The following ATG13 variants were observed in gnomAD, a reference collection of about 807,000 sequenced individuals.
ATG13 encodes the protein autophagy-related protein 13.
In ATG13, 23 loss-of-function variants were observed where a neutral mutation model predicts 65.5. That is an observed-to-expected ratio of 0.35 (90% CI 0.25 to 0.50). The LOEUF (loss-of-function observed/expected upper bound fraction) is 0.50, where lower values mean the gene tolerates loss of function less well. ATG13 is among the 20% of genes least tolerant of loss of function. The pLI, the probability that ATG13 is intolerant of heterozygous loss-of-function variation, is 0.98. For missense variants in ATG13, 566 were observed against 677.0 expected, an observed-to-expected ratio of 0.84 and a Z score of 1.82; for synonymous variants, 252 against 245.2, an observed-to-expected ratio of 1.03 and a Z score of -0.26.
At chr11:46,668,656 C>T (rs1481004687) in intron 16 of ATG13, 80 bp downstream of exon 16, 5 of 1,534,936 alleles carry the variant, frequency 3.3e-6, no homozygotes, top group Non-Finnish European at 3.6e-6. Flanking sequence ...CACTAATCCC[C>T]CACAGACTAT....
At chr11:46,641,278 G>T (rs1254644055) in intron 2 of ATG13, among the ~76,000 whole-genome samples, 1 of 152,136 alleles carries the variant, frequency 6.6e-6, no homozygotes. Flanking sequence ...CACCATCTTG[G>T]CCAGGCTGGT....
At chr11:46,670,437 G>T (rs2063451601) in intron 18 of ATG13, among the ~76,000 whole-genome samples, 2 of 146,852 alleles carry the variant, frequency 1.4e-5, no homozygotes, top group Admixed American at 6.9e-5. Flanking sequence ...GCCAAGATTG[G>T]ATCACTGCAC....
intron 2 of ATG13, among the ~76,000 whole-genome samples, chr11:46,633,701 C>T (rs980894744): frequency 6.6e-6 from 1 of 152,036 alleles, no homozygotes; most frequent in African/African-American, 2.4e-5. Flanking sequence ...GTCCCAGCTA[C>T]TCGAGAGGCT....
chr11:46,672,674 T>A lies in ATG13; in HGVS notation c.*342T>A. The A allele has an allele frequency of 7.3e-7, 1 of 1,371,970 alleles. No individual in the cohort carries two copies. 85.0% of individuals were successfully genotyped at this position (1,371,970 alleles called of 1,614,324 possible). A position where few individuals can be genotyped will look rare whatever the true frequency, so the allele number is the denominator to read the frequency against. On this transcript the variant is annotated 3_prime_UTR_variant, in exon 19 of 19. Transcript: ENST00000683050. ...TTCCTCCTGCTGCCGGCCTCCTGCC[T>A]GGGCCTGCCTTGCAGCTGGCCCCTT...
chr11:46,662,545 T>A (rs1215440709), intron 11 of ATG13, among the ~76,000 whole-genome samples: 1 of 152,180 alleles, frequency 6.6e-6, no homozygotes, highest in Non-Finnish European at 1.5e-5. Flanking sequence ...AATTTAAAAC[T>A]AGATCACACC....
At chr11:46,638,992 A>ATTTT (rs200933225) in intron 2 of ATG13, among the ~76,000 whole-genome samples, 1 of 147,068 alleles carries the variant, frequency 6.8e-6, no homozygotes, top group African/African-American at 2.6e-5. Context: ...TTATTTATTT[A>ATTTT]TTTATTTTTT....
chr11:46,662,309 A>G (rs1161520229), intron 11 of ATG13, among the ~76,000 whole-genome samples: 1 of 152,234 alleles, frequency 6.6e-6, no homozygotes, highest in African/African-American at 2.4e-5. Flanking sequence ...TTTACAAGTA[A>G]TAGATTCATA....
At chr11:46,647,094 T>A (rs1346609649) in intron 5 of ATG13, among the ~76,000 whole-genome samples, 5 of 152,164 alleles carry the variant, frequency 3.3e-5, no homozygotes, top group African/African-American at 1.2e-4. Context: ...CTTTACCCTC[T>A]TGTTCACATG....
intron 2 of ATG13, among the ~76,000 whole-genome samples, chr11:46,633,793 G>A (rs1251508282): frequency 6.6e-6 from 1 of 152,060 alleles, no homozygotes; most frequent in Admixed American, 6.6e-5. Flanking sequence ...CCTGGGTAAC[G>A]GTGTGAGACC....
chr11:46,672,608 G>T lies in ATG13; in HGVS notation c.*276G>T, dbSNP rs1473919559. 6.3e-6 allele frequency: 9 copies of T among 1,422,828 alleles called. No individual in the cohort carries two copies. Among genetic ancestry groups the T allele is most frequent in the Non-Finnish European group, 6.5e-6 (7 of 1,072,798 alleles). 88.1% of individuals were successfully genotyped at this position (1,422,828 alleles called of 1,614,324 possible). A position where few individuals can be genotyped will look rare whatever the true frequency, so the allele number is the denominator to read the frequency against. On this transcript the variant is annotated 3_prime_UTR_variant, in exon 19 of 19. Coordinates refer to ENST00000683050, the MANE Select transcript of ATG13 (RefSeq NM_001346311.2). ...AAGCCCTCAGCAGGGCCATCTGTGT[G>T]CCCTGCCCATCACCAACTGCTTCCC...
chr11:46,635,240 A>G (rs555893720), intron 2 of ATG13, among the ~76,000 whole-genome samples: 29 of 150,496 alleles, frequency 1.9e-4, no homozygotes, highest in African/African-American at 6.6e-4. Context: ...TCCTGACCTC[A>G]TGTGATCCCC....
intron 14 of ATG13, among the ~76,000 whole-genome samples, chr11:46,666,028 A>G (rs2062273148): frequency 1.3e-5 from 2 of 151,940 alleles, no homozygotes; most frequent in South Asian, 4.2e-4. Context: ...GCTGGTCTCG[A>G]ACTCCTGGCT....
Position 46,645,353 on chromosome 11 carries a change from T to C in ATG13, c.84T>C (p.Ile28=), listed in dbSNP as rs765145772. Residue 28 remains isoleucine, a synonymous_variant, in exon 4 of 19, where the codon ATT becomes ATC. Transcript: ENST00000683050. ...KFFALKTVQV[I]VQARLGEKIC... is the part of the protein sequence containing the mutation. ...TTTTTCTTTAGACTGTCCAAGTGAT[T>C]GTCCAGGCTCGGCTTGGTGAAAAGA... 1.2e-6 allele frequency: 2 copies of C among 1,613,780 alleles called. No individual in the cohort carries two copies. Among genetic ancestry groups the C allele is most frequent in the South Asian group, 2.2e-5 (2 of 91,022 alleles).
chr11:46,662,095 C>A (rs887214994), intron 11 of ATG13, among the ~76,000 whole-genome samples: 2 of 152,142 alleles, frequency 1.3e-5, no homozygotes, highest in Non-Finnish European at 2.9e-5. Context: ...TGCTTACTGA[C>A]ACAGAGTAGC....
chr11:46,619,191 C>T (rs997603319), intron 1 of ATG13, among the ~76,000 whole-genome samples: 6 of 151,718 alleles, frequency 4.0e-5, no homozygotes, highest in East Asian at 1.9e-4. Flanking sequence ...AAATATTCTG[C>T]GAGAGAATAG....
chr11:46,672,946 C>A lies in ATG13; in HGVS notation c.*614C>A, dbSNP rs141038186. On this transcript the variant is annotated 3_prime_UTR_variant, in exon 19 of 19. Coordinates refer to ENST00000683050, the MANE Select transcript of ATG13 (RefSeq NM_001346311.2). ...AAGATCAGAACTCCAAAACCACTCC[C>A]ACCCCTGAAGGTCGGGAGGGTCTGA... 743 of 599,620 alleles carry A rather than the reference C, an allele frequency of 1.2e-3. 9 individuals are homozygous for A. The African/African-American group carries it at 0.013, about 11-fold the overall frequency. 37.1% of individuals were successfully genotyped at this position (599,620 alleles called of 1,614,324 possible).
intron 13 of ATG13, 56 bp downstream of exon 13, chr11:46,665,015 A>G (rs1176397450): frequency 8.0e-6 from 12 of 1,500,292 alleles, no homozygotes; most frequent in Non-Finnish European, 1.1e-5. Context: ...CCCTGCCCGG[A>G]GGCAATTGAG....
intron 11 of ATG13, among the ~76,000 whole-genome samples, chr11:46,660,355 G>A (rs1334939497): frequency 1.4e-5 from 2 of 142,242 alleles, no homozygotes; most frequent in African/African-American, 2.6e-5. Context: ...TTCATTAGCT[G>A]TCCATGTGTT....
intron 1 of ATG13, chr11:46,625,273 T>TC (rs2049131534): frequency 6.9e-6 from 1 of 144,128 alleles, no homozygotes; most frequent in Non-Finnish European, 1.5e-5. Context: ...CTCTTTCTTT[T>TC]TTTTTTTTTT....
Sources: allele counts gnomAD v4.1 joint callset (sites outside exome capture counted in the v4.1 genomes callset), GRCh38; gene constraint gnomAD v4.1.1; transcripts MANE v1.5; gene names NCBI Gene and HGNC (gene_info 2026-07-23, HGNC 2026-07-21).